RBBP8: variants seen among roughly 807,000 people sequenced by gnomAD.
The protein encoded by RBBP8 is RB binding protein 8, endonuclease, also known as DNA endonuclease RBBP8.
A neutral mutation model predicts 108.3 loss-of-function variants in RBBP8; 88 were observed. That is an observed-to-expected ratio of 0.81 (90% CI 0.68 to 0.97). RBBP8 has a LOEUF of 0.97. Ranked by LOEUF, RBBP8 falls within the 50% of genes least tolerant of loss-of-function variation. RBBP8 has a pLI of 0.00. For missense variants in RBBP8, 1,023 were observed against 1,049.0 expected, an observed-to-expected ratio of 0.98 and a Z score of 0.34; for synonymous variants, 332 against 348.2, an observed-to-expected ratio of 0.95 and a Z score of 0.52.
intron 2 of RBBP8, among the ~76,000 whole-genome samples, chr18:22,937,537 T>C (rs1279185674): frequency 1.3e-5 from 2 of 151,770 alleles, no homozygotes; most frequent in Non-Finnish European, 2.9e-5. Flanking sequence ...GTCACCAGGC[T>C]GGGGTGTAGT....
chr18:22,953,203 T>TGAC (rs1400074714), intron 4 of RBBP8, among the ~76,000 whole-genome samples: 5 of 152,228 alleles, frequency 3.3e-5, no homozygotes, highest in Admixed American at 3.3e-4. Context: ...GAGCCATAGT[T>TGAC]GCCCTGCTTT....
chr18:22,992,635 G>A (rs1347527308), intron 10 of RBBP8, 113 bp from the exon 11 acceptor site: 1 of 822,758 alleles, frequency 1.2e-6, no homozygotes, highest in Non-Finnish European at 1.9e-6. Flanking sequence ...TAAATGAAGA[G>A]AAGCCAAAAG....
chr18:22,982,313 G>A lies in RBBP8; in HGVS notation c.524G>A (p.Arg175Gln), dbSNP rs751829436. The part of the protein sequence containing the change: ...ITAFSFSGVN[R>Q]LRRKENPHVR... ...GCCTTCTCATTTTCTGGCGTTAACCGGCTACGAAGAAAGGAGAACCCCCAT... is the reference window on the plus strand; with the variant it reads ...GCCTTCTCATTTTCTGGCGTTAACCAGCTACGAAGAAAGGAGAACCCCCAT... Residue 175 changes from arginine to glutamine, a missense_variant, in exon 7 of 19, where the codon CGG becomes CAG. Arg to Gln is a conservative substitution (Grantham distance 43). Transcript: ENST00000327155. 32 of 1,614,010 alleles carry A rather than the reference G, an allele frequency of 2.0e-5. 2 individuals are homozygous for A. The highest frequency in any genetic ancestry group is 9.9e-5 in the South Asian group (9 of 91,086).
At chr18:22,943,159 G>T (rs1911246516) in intron 2 of RBBP8, among the ~76,000 whole-genome samples, 1 of 151,500 alleles carries the variant, frequency 6.6e-6, no homozygotes, top group Non-Finnish European at 1.5e-5. Flanking sequence ...TCATTATTAA[G>T]AATGCTGTCA....
At chr18:22,989,128 C>T in intron 8 of RBBP8, 93 bp from the exon 9 acceptor site, 1 of 896,474 alleles carries the variant, frequency 1.1e-6, no homozygotes, top group South Asian at 1.5e-5. Context: ...TGAGCCTTTT[C>T]CTTCATCTTT....
intron 5 of RBBP8, among the ~76,000 whole-genome samples, chr18:22,973,245 A>G (rs998329499): frequency 4.6e-5 from 7 of 152,200 alleles, no homozygotes; most frequent in Non-Finnish European, 1.0e-4. Context: ...GGATTTTACC[A>G]TCAATCTGAG....
At chr18:22,933,827 GCGCCGACTGCGGCTCGCGCGCGCGCTTC>G (rs1329891012) in intron 1 of RBBP8, 4 of 152,246 alleles carry the variant, frequency 2.6e-5, no homozygotes, top group Non-Finnish European at 5.9e-5. Context: ...CCCCGCGCAT[GCGCCGACTGCGGCTCGCGCGCGCGCTTC>G]GGAGGTTTTT....
Position 22,934,029 on chromosome 18 carries a change from T to G in RBBP8, c.-99+465T>G, listed in dbSNP as rs564013693. ...AGTCCCCTGTGTGATGAAATGTGCC[T>G]CTCGCCTTACCCGTGTGAGAATACC... On this transcript the variant is annotated intron_variant, in intron 1 of 18. Transcript: ENST00000327155. 6 of 152,884 alleles carry G rather than the reference T, an allele frequency of 3.9e-5. No homozygotes were observed. The South Asian group carries it at 1.2e-3, about 32-fold the overall frequency. The allele number at this position is 152,884 out of a possible 1,614,324, so 9.5% of individuals were successfully genotyped here.
In RBBP8 at chr18:22,933,400, T is replaced by C. The variant is rs1011054605; in HGVS notation, c.-263T>C. The stretch of plus-strand genomic sequence containing the variant: ...GAGCCCGGCCGGCAGCCCCCGGCCT[T>C]AAAGCGCGGGCTGTCCGGAGGGGTC... On this transcript the variant is annotated 5_prime_UTR_variant, in exon 1 of 19. Transcript: ENST00000327155. The C allele has an allele frequency of 2.6e-5, 4 of 153,574 alleles. No individual in the cohort carries two copies. The East Asian group carries it at 7.8e-4, about 30-fold the overall frequency. 9.5% of individuals were successfully genotyped at this position (153,574 alleles called of 1,614,324 possible).
chr18:23,007,414 C>G (rs932105122), intron 16 of RBBP8, among the ~76,000 whole-genome samples: 1 of 151,756 alleles, frequency 6.6e-6, no homozygotes, highest in Non-Finnish European at 1.5e-5. Context: ...TAGTATAAGA[C>G]TTTAGGTAGG....
intron 12 of RBBP8, among the ~76,000 whole-genome samples, chr18:22,994,175 G>T (rs1298366318): frequency 1.3e-5 from 2 of 148,234 alleles, no homozygotes; most frequent in East Asian, 4.0e-4. Context: ...CGCCCACCAT[G>T]CCCGGCTAAT....
chr18:22,947,932 C>G (rs1166963867), intron 3 of RBBP8, among the ~76,000 whole-genome samples: 2 of 152,014 alleles, frequency 1.3e-5, no homozygotes, highest in East Asian at 1.9e-4. Flanking sequence ...CTGTCATGCT[C>G]TGCGTTATTC....
intron 4 of RBBP8, 87 bp downstream of exon 4, chr18:22,949,800 A>G (rs1430580063): frequency 1.0e-6 from 1 of 982,684 alleles, no homozygotes; most frequent in African/African-American, 1.6e-5. Flanking sequence ...TAGTTTTGGG[A>G]TTGAAAGTGA....
rs775490560 is a variant in RBBP8, at chr18:23,006,400, G to A, written c.2325G>A (p.Ala775=). The A allele has an allele frequency of 5.6e-6, 9 of 1,613,532 alleles. No individual in the cohort carries two copies. The highest frequency in any genetic ancestry group is 4.5e-5 in the East Asian group (2 of 44,858). The change falls in exon 16 of 19, where the codon GCG becomes GCA. Residue 775 remains alanine, a synonymous_variant. Coordinates refer to ENST00000327155, the MANE Select transcript of RBBP8 (RefSeq NM_002894.3). ...GDKQDKVKQK[A]FVEPYFKGDE... is the part of the protein sequence containing the mutation. ...AACAAGACAAAGTCAAGCAGAAAGCGTTTGTGGAGCCGTATTTTAAAGGTG... is the reference window on the plus strand; with the variant it reads ...AACAAGACAAAGTCAAGCAGAAAGCATTTGTGGAGCCGTATTTTAAAGGTG...
intron 2 of RBBP8, among the ~76,000 whole-genome samples, chr18:22,940,304 A>T (rs750966498): frequency 2.1e-5 from 3 of 141,916 alleles, no homozygotes; most frequent in Non-Finnish European, 4.5e-5. Context: ...CCTTTCTATT[A>T]GTGTCTTCTA....
At chr18:22,916,726 T>C (rs540705604) in intron 2 of RBBP8, among the ~76,000 whole-genome samples, 44 of 152,282 alleles carry the variant, frequency 2.9e-4, no homozygotes, top group African/African-American at 1.0e-3. Context: ...AATGCCATCA[T>C]ATTATTTTGT....
intron 4 of RBBP8, among the ~76,000 whole-genome samples, chr18:22,957,359 AC>A (rs1912669533): frequency 8.3e-6 from 1 of 120,636 alleles, no homozygotes. Context: ...AAATGGCATT[AC>A]CTTCATCTCT....
intron 16 of RBBP8, 141 bp downstream of exon 16, chr18:23,006,573 C>G: frequency 1.4e-6 from 1 of 721,434 alleles, no homozygotes; most frequent in Non-Finnish European, 2.4e-6. Context: ...GTAAACTCAG[C>G]TCACTGCAAC....
chr18:22,943,226 G>A (rs894489687), intron 2 of RBBP8, among the ~76,000 whole-genome samples: 4 of 150,834 alleles, frequency 2.7e-5, no homozygotes, highest in African/African-American at 7.5e-5. Flanking sequence ...ACTTGAGTCC[G>A]GGAGTCTGAG....
Sources: allele counts gnomAD v4.1 joint callset (sites outside exome capture counted in the v4.1 genomes callset), GRCh38; gene constraint gnomAD v4.1.1; transcripts MANE v1.5; gene names NCBI Gene and HGNC (gene_info 2026-07-23, HGNC 2026-07-21).